Variants in ELFN1 observed in about 807,000 individuals in gnomAD.
ELFN1 encodes the protein protein ELFN1.
In ELFN1, 6 loss-of-function variants were observed where a neutral mutation model predicts 7.6. The observed-to-expected ratio is 0.79, with a 90% CI of 0.43 to 1.56. The LOEUF (loss-of-function observed/expected upper bound fraction) is 1.56, where lower values mean the gene tolerates loss of function less well. ELFN1 is among the 40% of genes most tolerant of loss of function. The pLI, the probability that ELFN1 is intolerant of heterozygous loss-of-function variation, is 0.01. For synonymous variants in ELFN1, 657 were observed against 588.1 expected, an observed-to-expected ratio of 1.12 and a Z score of -1.70; for missense variants, 1,169 against 1,232.2, an observed-to-expected ratio of 0.95 and a Z score of 0.77.
intron 3 of ELFN1, among the ~76,000 whole-genome samples, chr7:1,729,615 A>G (rs1780283386): frequency 6.6e-6 from 1 of 152,204 alleles, no homozygotes; most frequent in Non-Finnish European, 1.5e-5. Flanking sequence ...GCCTTGGTTA[A>G]GGCTGTCTCA....
rs1239716655 is a variant in ELFN1, at chr7:1,746,017, A to C, written c.1421A>C (p.Glu474Ala). Residue 474 changes from glutamate (E) to alanine (A), a missense_variant, in exon 4 of 4, where the codon GAG becomes GCG. Coordinates refer to ENST00000424383, the MANE Select transcript of ELFN1 (RefSeq NM_001128636.4). The stretch of plus-strand genomic sequence containing the variant: ...ATCATCGAGCTCAAGTACGGGCCAG[A>C]GCTGGAGGCGCCCGGCCTGGCCCCG... Reference protein sequence around the residue: ...KTIIELKYGPELEAPGLAPLS... With the variant: ...KTIIELKYGPALEAPGLAPLS... 3.2e-6 allele frequency: 5 copies of C among 1,544,290 alleles called. No individual in the cohort carries two copies. The highest frequency in any genetic ancestry group is 4.4e-6 in the Non-Finnish European group (5 of 1,143,082).
In ELFN1 at chr7:1,718,627, A is replaced by G. The variant is rs114500463; in HGVS notation, c.-294+9375A>G. Among the ~76,000 whole-genome samples the G allele has an allele frequency of 6.7e-3, 1,028 of 152,304 alleles. 14 individuals are homozygous for G. Among genetic ancestry groups the G allele is most frequent in the African/African-American group, 0.024 (987 of 41,558 alleles). ...ACAAAGAGGTGGCGTTTGCAGTGAC[A>G]TCGGGACAGTAGGGCGGACCAGGAT... On this transcript the variant is annotated intron_variant, in intron 3 of 3. Coordinates refer to ENST00000424383, the MANE Select transcript of ELFN1 (RefSeq NM_001128636.4).
intron 3 of ELFN1, among the ~76,000 whole-genome samples, chr7:1,727,878 G>A (rs944975439): frequency 6.6e-6 from 1 of 152,102 alleles, no homozygotes; most frequent in Non-Finnish European, 1.5e-5. Flanking sequence ...AAAGCTCCAG[G>A]ATTACAGGGG....
At position 1,712,917 on chromosome 7, in the gene ELFN1, G is replaced by T. The variant is rs540070907; in HGVS notation, c.-294+3665G>T. Among the ~76,000 whole-genome samples the T allele has an allele frequency of 1.2e-3, 185 of 152,282 alleles. 1 individual carries two copies. The highest frequency in any genetic ancestry group is 2.1e-3 in the Non-Finnish European group (140 of 68,032). On this transcript the variant is annotated intron_variant, in intron 3 of 3. Transcript: ENST00000424383. ...AAATAAGGCCCCTCAGGAGGGAAGC[G>T]TTCAGTGGGATGTGTAGACCGCCTG... is the stretch of plus-strand genomic sequence containing the variant.
intron 3 of ELFN1, among the ~76,000 whole-genome samples, chr7:1,724,896 A>G (rs1472886572): frequency 6.6e-6 from 1 of 151,990 alleles, no homozygotes; most frequent in East Asian, 1.9e-4. Context: ...TTCTGAGGGC[A>G]TCATCATCTT....
chr7:1,718,885 C>A (rs2128591470), intron 3 of ELFN1, among the ~76,000 whole-genome samples: 1 of 152,284 alleles, frequency 6.6e-6, no homozygotes, highest in South Asian at 2.1e-4. Context: ...GGGCCTCTGC[C>A]CTCATTTCTC....
chr7:1,699,206 G>C (rs1779377540), intron 2 of ELFN1, among the ~76,000 whole-genome samples: 1 of 152,300 alleles, frequency 6.6e-6, no homozygotes, highest in South Asian at 2.1e-4. Context: ...CTTTCAGGTT[G>C]TTTCTAGTCT....
intron 2 of ELFN1, among the ~76,000 whole-genome samples, chr7:1,703,426 C>T (rs898244969): frequency 5.3e-5 from 8 of 151,968 alleles, no homozygotes; most frequent in African/African-American, 1.9e-4. Flanking sequence ...TATTCTCTTC[C>T]TTCTGAGCTT....
chr7:1,722,152 A>G (rs1780041840), intron 3 of ELFN1, among the ~76,000 whole-genome samples: 1 of 152,122 alleles, frequency 6.6e-6, no homozygotes, highest in Non-Finnish European at 1.5e-5. Flanking sequence ...TAACAAGTAC[A>G]GGTGCTTGGC....
intron 1 of ELFN1, among the ~76,000 whole-genome samples, chr7:1,676,415 C>A (rs994735581): frequency 6.6e-6 from 1 of 152,232 alleles, no homozygotes; most frequent in African/African-American, 2.4e-5. Context: ...CTCTGGTGTT[C>A]GGCGTGACCT....
In ELFN1 at chr7:1,745,386, C is replaced by G. The variant is rs1181084927; in HGVS notation, c.790C>G (p.Arg264Gly). Residue 264 changes from arginine to glycine, a missense_variant, in exon 4 of 4, where the codon CGT (arginine) becomes GGT (glycine). Physicochemically the swap from Arg to Gly is moderately radical, Grantham distance 125 (BLOSUM62 -2). Around this residue, in one of 2 missense-constraint regions of ELFN1, gnomAD observed 914 missense variants for 872.6 expected, o/e 1.05. Coordinates refer to ENST00000424383, the MANE Select transcript of ELFN1 (RefSeq NM_001128636.4). ...CGCGGCTGAGGTGGTCGGGCCCCCA[C>G]GTCCAGCATCCGGGCGCTCACAGCC... ...SYAAEVVGPP[R>G]PASGRSQPGR... 5 of 1,538,928 alleles carry G rather than the reference C, an allele frequency of 3.2e-6. No homozygotes were observed. Among genetic ancestry groups the G allele is most frequent in the Non-Finnish European group, 4.4e-6 (5 of 1,145,802 alleles).
At chr7:1,738,064 C>T (rs763086625) in intron 3 of ELFN1, among the ~76,000 whole-genome samples, 36 of 152,312 alleles carry the variant, frequency 2.4e-4, no homozygotes, top group African/African-American at 6.5e-4. Flanking sequence ...AAGCAGACCT[C>T]GCCAGCGGCT....
At chr7:1,725,416 C>T (rs1054142982) in intron 3 of ELFN1, among the ~76,000 whole-genome samples, 2 of 132,340 alleles carry the variant, frequency 1.5e-5, no homozygotes, top group Admixed American at 8.1e-5. Context: ...TCTGCCAGGT[C>T]GGTGCAGCCT....
chr7:1,746,835 G>A lies in ELFN1; in HGVS notation c.2239G>A (p.Asp747Asn), dbSNP rs1780816441. 2 of 1,536,016 alleles carry A rather than the reference G, an allele frequency of 1.3e-6. No individual in the cohort carries two copies. Among genetic ancestry groups the A allele is most frequent in the Non-Finnish European group, 1.8e-6 (2 of 1,140,918 alleles). ...LEPLTRPRPR[D>N]LAYSQLSPQY... ...GCCACTCACCCGGCCGCGGCCCCGCGACCTCGCCTACTCGCAGCTGTCCCC... is the reference window on the plus strand; with the variant it reads ...GCCACTCACCCGGCCGCGGCCCCGCAACCTCGCCTACTCGCAGCTGTCCCC... The change falls in exon 4 of 4, where the codon GAC becomes AAC. Residue 747 changes from aspartate to asparagine, a missense_variant. This residue lies in a region of ELFN1 where 914 missense variants were observed against 872.6 expected (regional missense o/e 1.05). Transcript: ENST00000424383.
chr7:1,673,090 C>G lies in ELFN1; in HGVS notation c.-549+2736C>G, dbSNP rs1049556416. On this transcript the variant is annotated intron_variant, in intron 1 of 3. Transcript: ENST00000424383. The surrounding 1 kb of genome is among the most constrained non-coding windows in gnomAD (Gnocchi z 4.7). ...ACATTTGTCATCTCTCCAGCGCCCC[C>G]CCCCGCTCTTTCCTTTTTGTTTTTG... is the stretch of plus-strand genomic sequence containing the variant. Among the ~76,000 whole-genome samples, 1 of 93,158 alleles carries G rather than the reference C, an allele frequency of 1.1e-5. No homozygotes were observed. The highest frequency in any genetic ancestry group is 2.8e-4 in the South Asian group (1 of 3,580). 61.1% of individuals were successfully genotyped at this position (93,158 alleles called of 152,430 possible).
At chr7:1,715,334 C>T (rs558689387) in intron 3 of ELFN1, among the ~76,000 whole-genome samples, 1 of 152,312 alleles carries the variant, frequency 6.6e-6, no homozygotes, top group Admixed American at 6.5e-5. Flanking sequence ...ATCCCCCAGC[C>T]TGGGTTCTCC....
chr7:1,671,402 C>T (rs1778764132), intron 1 of ELFN1, among the ~76,000 whole-genome samples: 1 of 152,256 alleles, frequency 6.6e-6, no homozygotes, highest in African/African-American at 2.4e-5. Context: ...CTTTCCCTTC[C>T]TGCACACCCG....
In ELFN1 at chr7:1,746,556, G is replaced by A. The variant is rs1211260202; in HGVS notation, c.1960G>A (p.Ala654Thr). 4 of 1,366,690 alleles carry A rather than the reference G, an allele frequency of 2.9e-6. No homozygotes were observed. Among genetic ancestry groups the A allele is most frequent in the Non-Finnish European group, 3.7e-6 (4 of 1,066,738 alleles). The allele number at this position is 1,366,690 out of a possible 1,614,324, so 84.7% of individuals were successfully genotyped here. Reference sequence around the variant, plus strand: ...CGTGCGCAGCCCCCGCGCCTTCCGAGCCGAGGCCGTCGGGGTGCACAAGGC... The same window carrying A: ...CGTGCGCAGCCCCCGCGCCTTCCGAACCGAGGCCGTCGGGGTGCACAAGGC... ...GSVRSPRAFR[A>T]EAVGVHKAAA... The change falls in exon 4 of 4, where the codon GCC becomes ACC. Residue 654 changes from alanine to threonine, a missense_variant. Ala to Thr is a moderately conservative substitution (Grantham distance 58). This residue lies in a region of ELFN1 where 914 missense variants were observed against 872.6 expected (regional missense o/e 1.05). Transcript: ENST00000424383.
rs1368777875 is a variant in ELFN1, at chr7:1,724,999, C to CA, written c.-294+15747_-294+15748insA. On this transcript the variant is annotated intron_variant, in intron 3 of 3. Coordinates refer to ENST00000424383, the MANE Select transcript of ELFN1 (RefSeq NM_001128636.4). ...GCCGGGCATGGCCCTGGCGAGGCCC[C>CA]TGTGGGGAGGGGCACAGCCCAGGAG... Among the ~76,000 whole-genome samples, 63 of 152,350 alleles carry CA rather than the reference C, an allele frequency of 4.1e-4. No homozygotes were observed. In the South Asian group the frequency reaches 0.01, roughly 25 times the overall value.
Sources: gnomAD v4.1 joint callset for allele counts (sites outside exome capture counted in the v4.1 genomes callset) on GRCh38, gnomAD v4.1.1 for gene constraint, gnomAD v4.1.1 regional missense constraint, Gnocchi (gnomAD v3.1) non-coding constraint, MANE v1.5 for transcripts, NCBI Gene and HGNC (gene_info 2026-07-23, HGNC 2026-07-21) for gene names.